ERAP1: variants seen among roughly 807,000 people sequenced by gnomAD.
ERAP1 encodes adipocyte-derived leucine aminopeptidase.
Under a neutral mutation model 103.7 loss-of-function variants are expected in ERAP1, and 86 were observed. The ratio of observed to expected loss-of-function variants is 0.83; its 90% CI spans 0.70 to 0.99. The LOEUF (loss-of-function observed/expected upper bound fraction) is 0.99, where lower values mean the gene tolerates loss of function less well. Ranked by LOEUF, ERAP1 falls within the 50% of genes least tolerant of loss-of-function variation. ERAP1 has a pLI of 0.00. For missense variants in ERAP1, 1,009 were observed against 1,128.4 expected (o/e 0.89, Z 1.52); for synonymous variants, 398 against 402.4 (o/e 0.99, Z 0.13).
chr5:96,856,101 A>T, the ERAP1 span, among the ~76,000 whole-genome samples: 1 of 151,544 alleles, frequency 6.6e-6, no homozygotes, highest in Non-Finnish European at 1.5e-5. Context: ...CGGGCAGATT[A>T]TGAGGTCAGG....
the ERAP1 span, chr5:96,909,809 T>C: frequency 1.9e-6 from 3 of 1,584,742 alleles, no homozygotes; most frequent in Non-Finnish European, 2.6e-6. Flanking sequence ...TTCTCTTTGA[T>C]GTAAAAGTCT....
At chr5:96,806,390 A>C (rs1205304527) in intron 1 of ERAP1, among the ~76,000 whole-genome samples, 1 of 152,228 alleles carries the variant, frequency 6.6e-6, no homozygotes, top group Non-Finnish European at 1.5e-5. Context: ...CTAACACTTA[A>C]AGGAATAGAA....
chr5:96,765,550 T>C (rs1041388335), intron 19 of ERAP1, among the ~76,000 whole-genome samples: 3 of 151,672 alleles, frequency 2.0e-5, no homozygotes, highest in African/African-American at 7.3e-5. Context: ...TTCTGGGAGG[T>C]AGGTGTGGGG....
At chr5:96,821,995 G>A in the ERAP1 span, among the ~76,000 whole-genome samples, 1 of 152,180 alleles carries the variant, frequency 6.6e-6, no homozygotes, top group Non-Finnish European at 1.5e-5. Context: ...CAATCATGGA[G>A]GAATAAACTA....
chr5:96,762,188 A>C, exon 20 of ERAP1: 1 of 704,458 alleles, frequency 1.4e-6, no homozygotes, highest in Non-Finnish European at 2.3e-6. Flanking sequence ...TCATTAAGCT[A>C]TCTTTAAGAG....
In ERAP1 at chr5:96,803,745, A is replaced by T; in HGVS notation, c.182T>A (p.Val61Asp). 1 of 1,614,188 alleles carries T rather than the reference A, an allele frequency of 6.2e-7. No individual in the cohort carries two copies. The highest frequency in any genetic ancestry group is 1.3e-5 in the African/African-American group (1 of 75,044). The part of the protein sequence containing the change: ...KIRLPEYVIP[V>D]HYDLLIHANL... ...TGCATGGATCAAGAGATCATAATGAACTGGGATGACGTACTCAGGAAGTCG... is the reference window on the plus strand; with the variant it reads ...TGCATGGATCAAGAGATCATAATGATCTGGGATGACGTACTCAGGAAGTCG... The change falls in exon 2 of 19, where the codon GTT (valine) becomes GAT (aspartate). Residue 61 changes from valine (V) to aspartate (D), a missense_variant. Val to Asp is a radical substitution (Grantham distance 152). Transcript: ENST00000443439.
chr5:96,807,608 C>T (rs1778786221), intron 1 of ERAP1, among the ~76,000 whole-genome samples: 1 of 152,140 alleles, frequency 6.6e-6, no homozygotes, highest in Non-Finnish European at 1.5e-5. Context: ...GCCAACCCGC[C>T]GGGCACCCCG....
At chr5:96,923,486 A>T in the ERAP1 span, among the ~76,000 whole-genome samples, 2 of 152,156 alleles carry the variant, frequency 1.3e-5, no homozygotes, top group Non-Finnish European at 2.9e-5. Flanking sequence ...TGAGGTCAGG[A>T]GATCGAGACC....
At chr5:96,860,725 A>G in the ERAP1 span, among the ~76,000 whole-genome samples, 1 of 152,112 alleles carries the variant, frequency 6.6e-6, no homozygotes, top group Non-Finnish European at 1.5e-5. Context: ...GGGGAGTGGA[A>G]TAAAAGGGGG....
the ERAP1 span, among the ~76,000 whole-genome samples, chr5:96,841,938 G>A: frequency 4.0e-5 from 6 of 151,674 alleles, no homozygotes; most frequent in African/African-American, 1.5e-4. Flanking sequence ...CCCTCACTCC[G>A]TCCCACCCTT....
the ERAP1 span, among the ~76,000 whole-genome samples, chr5:96,847,682 C>T: frequency 6.6e-6 from 1 of 151,988 alleles, no homozygotes; most frequent in Non-Finnish European, 1.5e-5. Context: ...ATAGGAAGGT[C>T]GCAATTATGT....
the ERAP1 span, among the ~76,000 whole-genome samples, chr5:96,827,585 A>G: frequency 1.3e-5 from 2 of 152,170 alleles, no homozygotes; most frequent in African/African-American, 4.8e-5. Context: ...GAACTGCTTG[A>G]ACCCAGGAGG....
the ERAP1 span, among the ~76,000 whole-genome samples, chr5:96,836,459 C>T: frequency 6.6e-6 from 1 of 152,156 alleles, no homozygotes; most frequent in South Asian, 2.1e-4. Flanking sequence ...ACTTCAGCCT[C>T]CCAAAGTGCT....
chr5:96,892,586 C>G, the ERAP1 span: 13 of 997,610 alleles, frequency 1.3e-5, no homozygotes, highest in Non-Finnish European at 1.9e-5. Flanking sequence ...CTAAACCTAA[C>G]ACAACGTCAA....
the ERAP1 span, among the ~76,000 whole-genome samples, chr5:96,851,563 C>G: frequency 0.31 from 46,543 of 151,934 alleles, 7,818 homozygotes; most frequent in Non-Finnish European, 0.38. Flanking sequence ...CTTTCTTTTC[C>G]CAGGCTGGAT....
the ERAP1 span, chr5:96,919,695 A>T: frequency 6.6e-6 from 1 of 152,244 alleles, no homozygotes; most frequent in African/African-American, 2.4e-5. Context: ...ATAGATTTTT[A>T]AAAATAAATG....
chr5:96,808,424 G>A (rs934896700), upstream of ERAP1, among the ~76,000 whole-genome samples: 2 of 151,968 alleles, frequency 1.3e-5, no homozygotes, highest in Non-Finnish European at 2.9e-5. Context: ...TGGACTCGCT[G>A]GGTGTCCGTC....
chr5:96,915,851 T>C, the ERAP1 span: 4 of 1,199,492 alleles, frequency 3.3e-6, no homozygotes, highest in African/African-American at 6.2e-5. Context: ...ATAATCTGAT[T>C]TGAAGTTCTC....
the ERAP1 span, among the ~76,000 whole-genome samples, chr5:96,897,821 G>A: frequency 1.3e-5 from 2 of 152,174 alleles, no homozygotes; most frequent in Non-Finnish European, 2.9e-5. Context: ...AGACAGAAGA[G>A]ATCCTTTCTT....
Sources: gnomAD v4.1 joint callset for allele counts (sites outside exome capture counted in the v4.1 genomes callset) on GRCh38, gnomAD v4.1.1 for gene constraint, MANE v1.5 for transcripts, NCBI Gene and HGNC (gene_info 2026-07-23, HGNC 2026-07-21) for gene names.